The following WDR7 variants were observed in gnomAD, a reference collection of about 807,000 sequenced individuals.
WDR7 encodes the protein WD repeat domain 7.
In WDR7, 46 loss-of-function variants were observed where a neutral mutation model predicts 169.4. That is an observed-to-expected ratio of 0.27 (90% confidence interval 0.21 to 0.35). WDR7 has a LOEUF of 0.35. Among genes scored for constraint, WDR7 ranks in the 10% least tolerant of loss-of-function variants. The pLI is 1.00. For synonymous variants in WDR7, 612 were observed against 666.8 expected (o/e 0.92, Z 1.27); for missense variants, 1,534 against 1,859.3 (o/e 0.83, Z 3.22).
At chr18:56,764,863 TG>T (rs1312511770) in intron 16 of WDR7, among the ~76,000 whole-genome samples, 2 of 152,166 alleles carry the variant, frequency 1.3e-5, no homozygotes, top group Non-Finnish European at 2.9e-5. Flanking sequence ...GCTATAATTA[TG>T]GGTTTGTTTA....
intron 19 of WDR7, among the ~76,000 whole-genome samples, chr18:56,782,562 T>C (rs1253108579): frequency 6.6e-6 from 1 of 152,040 alleles, no homozygotes; most frequent in Non-Finnish European, 1.5e-5. Context: ...CAAGATAAAG[T>C]GTGAGTGAAA....
At chr18:56,836,307 T>G (rs1371698694) in intron 20 of WDR7, among the ~76,000 whole-genome samples, 1 of 152,148 alleles carries the variant, frequency 6.6e-6, no homozygotes, top group Non-Finnish European at 1.5e-5. Context: ...CGTCTGCCAC[T>G]CCCAAGCAAC....
At position 56,691,452 on chromosome 18, in the gene WDR7, A is replaced by G. The variant is rs184353676; in HGVS notation, c.863+91A>G. The G allele has an allele frequency of 1.5e-3, 2,027 of 1,344,108 alleles. 6 individuals carry two copies. Among genetic ancestry groups the G allele is most frequent in the Non-Finnish European group, 1.9e-3 (1,901 of 1,023,482 alleles). 83.3% of individuals were successfully genotyped at this position (1,344,108 alleles called of 1,614,324 possible). On this transcript the variant is annotated intron_variant, in intron 8 of 27. Transcript: ENST00000254442. Reference sequence around the variant, plus strand: ...CTGACTTTAAGAAAATGTATGTATTATAAATATTTAACTTTGATAAAACAC... The same window carrying G: ...CTGACTTTAAGAAAATGTATGTATTGTAAATATTTAACTTTGATAAAACAC...
At chr18:56,839,193 G>A (rs956079334) in intron 20 of WDR7, among the ~76,000 whole-genome samples, 1 of 152,064 alleles carries the variant, frequency 6.6e-6, no homozygotes, top group African/African-American at 2.4e-5. Context: ...TTTGATACCT[G>A]TATACAATGT....
chr18:56,968,331 T>A (rs1458162023), intron 26 of WDR7, among the ~76,000 whole-genome samples: 1 of 152,164 alleles, frequency 6.6e-6, no homozygotes, highest in Non-Finnish European at 1.5e-5. Context: ...AAAAAAACTT[T>A]AAAAATATAA....
intron 20 of WDR7, among the ~76,000 whole-genome samples, chr18:56,873,097 C>T (rs1298997424): frequency 6.6e-6 from 1 of 152,154 alleles, no homozygotes; most frequent in African/African-American, 2.4e-5. Flanking sequence ...GTCAGTGTCT[C>T]CTTTAGGGAC....
intron 25 of WDR7, among the ~76,000 whole-genome samples, chr18:56,960,830 C>T (rs1264593788): frequency 6.6e-6 from 1 of 152,034 alleles, no homozygotes; most frequent in Non-Finnish European, 1.5e-5. Context: ...TTCCTAACCA[C>T]TTAGTAGCCA....
chr18:56,874,546 A>C (rs531892599), intron 20 of WDR7, among the ~76,000 whole-genome samples: 22 of 152,222 alleles, frequency 1.4e-4, no homozygotes, highest in African/African-American at 5.3e-4. Flanking sequence ...ATCATGACAA[A>C]ATAATTTGTA....
At position 56,681,114 on chromosome 18, in the gene WDR7, T is replaced by TG. The variant is rs544495423; in HGVS notation, c.267-193dup. On this transcript the variant is annotated intron_variant, in intron 3 of 27. Transcript: ENST00000254442. ...GGCCTACAAAGAATGTGGACTATGG[T>TG]GGGGGGTGGGCAGTTTGGAAGGGGT... 2.4e-4 allele frequency among the ~76,000 whole-genome samples: 37 copies of TG among 151,894 alleles called. 1 individual carries two copies. The South Asian group carries it at 7.7e-3, about 32-fold the overall frequency.
chr18:56,651,777 G>T (rs993973868), intron 1 of WDR7: 1 of 152,474 alleles, frequency 6.6e-6, no homozygotes, highest in Non-Finnish European at 1.5e-5. Context: ...CCAGCCGGGG[G>T]TCTTTGTGGC....
Position 56,959,165 on chromosome 18 carries a change from A to C in WDR7, c.4065-3265A>C, listed in dbSNP as rs2047300303. 3.3e-5 allele frequency among the ~76,000 whole-genome samples: 5 copies of C among 152,082 alleles called. No homozygotes were observed. The South Asian group carries it at 1.0e-3, about 32-fold the overall frequency. ...AGCAATGGCAGTTAACAGGCTGATG[A>C]GATTTTCAAGCAGAGGGAGCAGCAA... is the stretch of plus-strand genomic sequence containing the variant. On this transcript the variant is annotated intron_variant, in intron 25 of 27. Coordinates refer to ENST00000254442, the MANE Select transcript of WDR7 (RefSeq NM_015285.3).
At chr18:56,961,189 A>G (rs2047334316) in intron 25 of WDR7, among the ~76,000 whole-genome samples, 1 of 152,152 alleles carries the variant, frequency 6.6e-6, no homozygotes, top group Non-Finnish European at 1.5e-5. Context: ...TTGTCAGAAT[A>G]TCCCTGGTTT....
intron 26 of WDR7, among the ~76,000 whole-genome samples, chr18:57,018,537 A>G (rs544307321): frequency 6.0e-4 from 91 of 152,340 alleles, no homozygotes; most frequent in African/African-American, 2.1e-3. Context: ...ATGCTGCCAC[A>G]TGTGAACAGA....
intron 20 of WDR7, among the ~76,000 whole-genome samples, chr18:56,821,389 T>C (rs1568214639): frequency 1.3e-5 from 2 of 152,268 alleles, no homozygotes; most frequent in South Asian, 4.1e-4. Flanking sequence ...CTGAGAGAGA[T>C]AACTTTTACA....
In WDR7 at chr18:56,785,933, T is replaced by C. The variant is rs116198834; in HGVS notation, c.3190+4277T>C. Among the ~76,000 whole-genome samples the C allele has an allele frequency of 8.7e-3, 1,326 of 151,964 alleles. 20 individuals carry two copies. The highest frequency in any genetic ancestry group is 0.031 in the African/African-American group (1,273 of 41,454). The stretch of plus-strand genomic sequence containing the variant: ...TTCCCGCCTCAGCCTCCTGAGTAGC[T>C]GGAACTAAAGGTGCACACCACCATG... On this transcript the variant is annotated intron_variant, in intron 19 of 27. Transcript: ENST00000254442.
intron 26 of WDR7, among the ~76,000 whole-genome samples, chr18:56,990,075 A>AT (rs139921710): frequency 0.016 from 2,482 of 152,350 alleles, 38 homozygotes; most frequent in Non-Finnish European, 0.025. Context: ...TTTTAAAAAG[A>AT]TTAGGCCATC....
At chr18:56,847,428 A>G (rs1001054418) in intron 20 of WDR7, among the ~76,000 whole-genome samples, 1 of 152,208 alleles carries the variant, frequency 6.6e-6, no homozygotes, top group African/African-American at 2.4e-5. Context: ...AAAAGTTTGG[A>G]AAATTTTCAA....
chr18:56,767,723 T>A (rs2044089398), intron 16 of WDR7, among the ~76,000 whole-genome samples: 1 of 152,180 alleles, frequency 6.6e-6, no homozygotes, highest in East Asian at 1.9e-4. Context: ...TTTGTATATA[T>A]GGAGTTGTGA....
chr18:56,764,211 C>T (rs1471320544), intron 16 of WDR7, among the ~76,000 whole-genome samples: 1 of 152,114 alleles, frequency 6.6e-6, no homozygotes, highest in African/African-American at 2.4e-5. Flanking sequence ...TGGCATTACA[C>T]ACACTTTGCC....
Sources: gnomAD v4.1 joint callset for allele counts (sites outside exome capture counted in the v4.1 genomes callset) on GRCh38, gnomAD v4.1.1 for gene constraint, MANE v1.5 for transcripts, NCBI Gene and HGNC (gene_info 2026-07-23, HGNC 2026-07-21) for gene names.